The following SP1 variants were observed in gnomAD, a reference collection of about 807,000 sequenced individuals.
SP1 encodes Sp1 transcription factor, also known as transcription factor Sp1.
SP1 carries 6 observed loss-of-function variants against 66.3 expected under a neutral mutation model. That is an observed-to-expected ratio of 0.09 (90% CI 0.05 to 0.18). SP1 has a LOEUF of 0.18. Ranked by LOEUF, SP1 falls within the 10% of genes least tolerant of loss-of-function variation. The pLI is 1.00. For missense variants in SP1, 848 were observed against 964.5 expected (o/e 0.88, Z 1.60); for synonymous variants, 417 against 360.8 (o/e 1.16, Z -1.77).
intron 3 of SP1, among the ~76,000 whole-genome samples, chr12:53,393,900 A>T (rs923608197): frequency 1.3e-5 from 2 of 151,382 alleles, no homozygotes; most frequent in Admixed American, 1.3e-4. Flanking sequence ...CACTGTGCCC[A>T]GCCTTTAATT....
chr12:53,387,544 T>G (rs185145065), intron 3 of SP1, among the ~76,000 whole-genome samples: 24 of 152,310 alleles, frequency 1.6e-4, no homozygotes, highest in East Asian at 7.7e-4. Flanking sequence ...GGACTGAAGT[T>G]ATTTAGTACA....
At chr12:53,409,028 C>T (rs1938819995) in intron 4 of SP1, among the ~76,000 whole-genome samples, 1 of 151,896 alleles carries the variant, frequency 6.6e-6, no homozygotes, top group East Asian at 1.9e-4. Context: ...GGTTCGAGAC[C>T]AGCCTCGCCA....
In SP1 at chr12:53,382,294, C is replaced by T. The variant is rs750385290; in HGVS notation, c.347C>T (p.Ala116Val). ...CAGATCATCTCTTCCTCCTCTGGGG[C>T]TACCCCTACCTCAAAGGAACAGAGT... Reference protein sequence around the residue: ...GWQIISSSSGATPTSKEQSGS... With the variant: ...GWQIISSSSGVTPTSKEQSGS... The change falls in exon 3 of 6, where the codon GCT (alanine) becomes GTT (valine). Residue 116 changes from alanine to valine, a missense_variant. Around this residue, in one of 7 missense-constraint regions of SP1, gnomAD observed 606 missense variants for 589.9 expected, o/e 1.03. Coordinates refer to ENST00000327443, the MANE Select transcript of SP1 (RefSeq NM_138473.3). 1.2e-6 allele frequency: 2 copies of T among 1,614,194 alleles called. No homozygotes were observed. Among genetic ancestry groups the T allele is most frequent in the South Asian group, 1.1e-5 (1 of 91,084 alleles).
intron 3 of SP1, among the ~76,000 whole-genome samples, chr12:53,393,431 A>C (rs1331801678): frequency 2.0e-5 from 3 of 150,330 alleles, no homozygotes; most frequent in Non-Finnish European, 4.4e-5. Context: ...ATTACAGGCA[A>C]GCACCACCAT....
At position 53,413,789 on chromosome 12, in the gene SP1, A is replaced by G. The variant is rs1373878903; in HGVS notation, c.*2549A>G. On this transcript the variant is annotated 3_prime_UTR_variant, in exon 6 of 6. Transcript: ENST00000327443. The stretch of plus-strand genomic sequence containing the variant: ...CTTCTCCAGTATGAAATTACCAGAT[A>G]TAAAATAATGTAATGATGCTGAGGA... 1 of 152,382 alleles carries G rather than the reference A, an allele frequency of 6.6e-6. No homozygotes were observed. The highest frequency in any genetic ancestry group is 1.5e-5 in the Non-Finnish European group (1 of 68,038). 9.4% of individuals were successfully genotyped at this position (152,382 alleles called of 1,614,324 possible).
At chr12:53,401,092 A>T (rs1938599183) in intron 3 of SP1, among the ~76,000 whole-genome samples, 1 of 151,934 alleles carries the variant, frequency 6.6e-6, no homozygotes, top group African/African-American at 2.4e-5. Flanking sequence ...GATCTTAAAC[A>T]TATTGGTTGC....
In SP1 at chr12:53,406,743, A is replaced by G. The variant is rs1248086337; in HGVS notation, c.1834A>G (p.Ser612Gly). 4 of 1,613,388 alleles carry G rather than the reference A, an allele frequency of 2.5e-6. No individual in the cohort carries two copies. Among genetic ancestry groups the G allele is most frequent in the Non-Finnish European group, 3.4e-6 (4 of 1,179,728 alleles). ...ATGCACCTGCCCCTACTGTAAAGAC[A>G]GTGAAGGAAGGTGAGTTGACCCAGC... The part of the protein sequence containing the change: ...EACTCPYCKD[S>G]EGRGSGDPGK... Residue 612 changes from serine to glycine, a missense_variant, in exon 4 of 6, where the codon AGT (serine) becomes GGT (glycine). Transcript: ENST00000327443.
At chr12:53,380,341 GA>G (rs952190944) in intron 1 of SP1, 43 bp downstream of exon 1, 2 of 1,484,434 alleles carry the variant, frequency 1.3e-6, no homozygotes, top group African/African-American at 2.9e-5. Context: ...GGAGGCGAGT[GA>G]GGGGGCGCGC....
At position 53,382,323 on chromosome 12, in the gene SP1, A is replaced by G. The variant is rs746349426; in HGVS notation, c.376A>G (p.Ser126Gly). 9.9e-6 allele frequency: 16 copies of G among 1,614,090 alleles called. No individual in the cohort carries two copies. The highest frequency in any genetic ancestry group is 1.3e-5 in the African/African-American group (1 of 74,940). The change falls in exon 3 of 6, where the codon AGC becomes GGC. Residue 126 changes from serine (S) to glycine (G), a missense_variant. Transcript: ENST00000327443. ...ATPTSKEQSG[S>G]STNGSNGSES... ...CCCTACCTCAAAGGAACAGAGTGGCAGCAGTACCAATGGCAGCAATGGCAG... is the reference window on the plus strand; with the variant it reads ...CCCTACCTCAAAGGAACAGAGTGGCGGCAGTACCAATGGCAGCAATGGCAG...
intron 3 of SP1, among the ~76,000 whole-genome samples, chr12:53,405,722 G>A (rs920605038): frequency 6.6e-6 from 1 of 151,598 alleles, no homozygotes; most frequent in Non-Finnish European, 1.5e-5. Context: ...AGGGAGGGAG[G>A]GAAGGAAGAG....
At chr12:53,403,107 T>C (rs1421266581) in intron 3 of SP1, among the ~76,000 whole-genome samples, 1 of 151,652 alleles carries the variant, frequency 6.6e-6, no homozygotes, top group African/African-American at 2.4e-5. Context: ...AAGATTCTAC[T>C]GCACTCCCAC....
intron 3 of SP1, among the ~76,000 whole-genome samples, chr12:53,384,052 C>A (rs1223563972): frequency 6.6e-6 from 1 of 150,942 alleles, no homozygotes; most frequent in Non-Finnish European, 1.5e-5. Flanking sequence ...TCACTGCAAG[C>A]TCCGCCTCCC....
chr12:53,386,404 C>G (rs1025516966), intron 3 of SP1, among the ~76,000 whole-genome samples: 2 of 149,812 alleles, frequency 1.3e-5, no homozygotes, highest in African/African-American at 2.5e-5. Context: ...CAGGGTCTTT[C>G]ATTTTGAACT....
At chr12:53,380,740 C>A (rs1938071169) in intron 1 of SP1, 4 of 710,776 alleles carry the variant, frequency 5.6e-6, no homozygotes, top group South Asian at 1.3e-4. Flanking sequence ...TTCCCTTCCC[C>A]CCCGCCCCCC....
chr12:53,398,480 A>G (rs2045471), intron 3 of SP1, among the ~76,000 whole-genome samples: 12,245 of 152,198 alleles, frequency 0.08, 1,607 homozygotes, highest in African/African-American at 0.28. Context: ...ACAGGGTTTC[A>G]CCATGTTGGC....
At position 53,414,866 on chromosome 12, in the gene SP1, C is replaced by T. The variant is rs138630401; in HGVS notation, c.*3626C>T. On this transcript the variant is annotated 3_prime_UTR_variant, in exon 6 of 6. Coordinates refer to ENST00000327443, the MANE Select transcript of SP1 (RefSeq NM_138473.3). ...AGTTTTCAGTGTAAGTACCCTGATG[C>T]CTTTTGGACCTTGGGATCAGATCAA... The T allele has an allele frequency of 6.6e-6, 1 of 152,586 alleles. No individual in the cohort carries two copies. The highest frequency in any genetic ancestry group is 1.9e-4 in the East Asian group (1 of 5,170). 9.5% of individuals were successfully genotyped at this position (152,586 alleles called of 1,614,324 possible).
At chr12:53,389,572 C>T (rs1250197468) in intron 3 of SP1, among the ~76,000 whole-genome samples, 1 of 151,970 alleles carries the variant, frequency 6.6e-6, no homozygotes. Context: ...GTCTCGATCT[C>T]CTGGCCTCCC....
At chr12:53,409,951 A>C (rs1304954672) in intron 5 of SP1, among the ~76,000 whole-genome samples, 1 of 152,082 alleles carries the variant, frequency 6.6e-6, no homozygotes, top group Admixed American at 6.6e-5. Flanking sequence ...CGGAGCTTGC[A>C]ATGAGCCAAG....
Position 53,383,495 on chromosome 12 carries a change from C to T in SP1, c.1548C>T (p.Val516=). ...ASAASIPAGT[V]TVNAAQLSSM... is the part of the protein sequence containing the mutation. ...CTGCTTCCATTCCTGCTGGCACAGT[C>T]ACTGTGAATGCTGCTCAACTCTCCT... The change falls in exon 3 of 6, where the codon GTC becomes GTT. Residue 516 remains valine (V), a synonymous_variant. Coordinates refer to ENST00000327443, the MANE Select transcript of SP1 (RefSeq NM_138473.3). 1 of 1,614,210 alleles carries T rather than the reference C, an allele frequency of 6.2e-7. No homozygotes were observed. The highest frequency in any genetic ancestry group is 8.5e-7 in the Non-Finnish European group (1 of 1,180,048).
Sources: allele counts gnomAD v4.1 joint callset (sites outside exome capture counted in the v4.1 genomes callset), GRCh38; gene constraint gnomAD v4.1.1; regional missense constraint gnomAD v4.1.1; transcripts MANE v1.5; gene names NCBI Gene and HGNC (gene_info 2026-07-23, HGNC 2026-07-21).